ANKRD46: variants seen among roughly 807,000 people sequenced by gnomAD.
ANKRD46 encodes the protein ankyrin repeat domain 46.
ANKRD46 carries 13 observed loss-of-function variants against 19.8 expected under a neutral mutation model. That is an observed-to-expected ratio of 0.66 (90% CI 0.43 to 1.04). ANKRD46 has a LOEUF of 1.04. Ranked by LOEUF, ANKRD46 falls within the 50% of genes least tolerant of loss-of-function variation. ANKRD46 has a pLI of 0.00. For missense variants in ANKRD46, 185 were observed against 274.8 expected (o/e 0.67, Z 2.31); for synonymous variants, 91 against 106.9 (o/e 0.85, Z 0.92).
chr8:100,521,752 T>G lies in ANKRD46; in HGVS notation c.*803A>C. On this transcript the variant is annotated 3_prime_UTR_variant, in exon 5 of 5. Coordinates refer to ENST00000335659, the MANE Select transcript of ANKRD46 (RefSeq NM_001270377.2). ...ATGACAGTTAAATATCAGAATTATT[T>G]TTCCCTGCTAACTATTCAGTAGAAA... 1.0e-6 allele frequency: 1 copy of G among 985,420 alleles called. No homozygotes were observed. The highest frequency in any genetic ancestry group is 4.7e-5 in the South Asian group (1 of 21,288). 61.0% of individuals were successfully genotyped at this position (985,420 alleles called of 1,614,324 possible).
intron 1 of ANKRD46, among the ~76,000 whole-genome samples, chr8:100,538,341 A>G (rs1475892572): frequency 6.6e-6 from 1 of 152,202 alleles, no homozygotes; most frequent in African/African-American, 2.4e-5. Flanking sequence ...TTGCATCTAT[A>G]CTGAACACGT....
intron 1 of ANKRD46, among the ~76,000 whole-genome samples, chr8:100,535,860 T>C (rs545298623): frequency 8.5e-5 from 13 of 152,318 alleles, no homozygotes; most frequent in Admixed American, 3.3e-4. Flanking sequence ...TCTACAAACA[T>C]TTGTTTGTAT....
chr8:100,555,208 C>A (rs1812469041), intron 1 of ANKRD46, among the ~76,000 whole-genome samples: 1 of 151,180 alleles, frequency 6.6e-6, no homozygotes, highest in Admixed American at 6.6e-5. Context: ...TAGAATGGTA[C>A]TAGTATGACA....
At chr8:100,516,959 TC>T (rs1811644776), downstream of ANKRD46, among the ~76,000 whole-genome samples, 1 of 152,126 alleles carries the variant, frequency 6.6e-6, no homozygotes. Context: ...GAGACCCCGG[TC>T]CCATACTGCC....
At chr8:100,530,296 G>A (rs1053954715) in intron 2 of ANKRD46, among the ~76,000 whole-genome samples, 1 of 152,038 alleles carries the variant, frequency 6.6e-6, no homozygotes, top group Non-Finnish European at 1.5e-5. Flanking sequence ...GCTTCTTCTT[G>A]TATTTGAGAT....
intron 1 of ANKRD46, chr8:100,551,631 C>T (rs1418874286): frequency 1.4e-6 from 1 of 714,948 alleles, no homozygotes; most frequent in Non-Finnish European, 2.5e-6. Context: ...ACAATATCCA[C>T]TTTACTAGAG....
rs1586779370 is a variant in ANKRD46 at position 100,522,179 on chromosome 8, G to A, written c.*376C>T. On this transcript the variant is annotated 3_prime_UTR_variant, in exon 5 of 5. Coordinates refer to ENST00000335659, the MANE Select transcript of ANKRD46 (RefSeq NM_001270377.2). Reference sequence around the variant, plus strand: ...CCACCAACAAAAACTAATCATATAAGATACTGTTTTTCTTTTTGAATACTT... The same window carrying A: ...CCACCAACAAAAACTAATCATATAAAATACTGTTTTTCTTTTTGAATACTT... 1.2e-5 allele frequency: 12 copies of A among 1,002,596 alleles called. No individual in the cohort carries two copies. Among genetic ancestry groups the A allele is most frequent in the Non-Finnish European group, 1.3e-5 (11 of 839,892 alleles). 62.1% of individuals were successfully genotyped at this position (1,002,596 alleles called of 1,614,324 possible).
chr8:100,519,615 T>A (rs556169849), downstream of ANKRD46, among the ~76,000 whole-genome samples: 19 of 152,354 alleles, frequency 1.2e-4, 1 homozygote, highest in African/African-American at 4.6e-4. Flanking sequence ...AGTCAAAGAC[T>A]GAGGCCTGGT....
chr8:100,551,971 G>A lies in ANKRD46; in HGVS notation c.-131+7740C>T, dbSNP rs374459278. Among the ~76,000 whole-genome samples the A allele has an allele frequency of 3.9e-5, 6 of 152,144 alleles. No homozygotes were observed. The East Asian group carries it at 5.8e-4, about 15-fold the overall frequency. ...TCAAGACCAGCCTGGCCAACATGGTGAAACCCCGTCTCTACTAAAAATACA... is the reference window on the plus strand; with the variant it reads ...TCAAGACCAGCCTGGCCAACATGGTAAAACCCCGTCTCTACTAAAAATACA... On this transcript the variant is annotated intron_variant, in intron 1 of 4. Coordinates refer to ENST00000335659, the MANE Select transcript of ANKRD46 (RefSeq NM_001270377.2).
chr8:100,527,781 C>G lies in ANKRD46; in HGVS notation c.470+64G>C. On this transcript the variant is annotated intron_variant, in intron 4 of 4. Transcript: ENST00000335659. The surrounding 1 kb of genome is among the most constrained non-coding windows in gnomAD (Gnocchi z 4.0). ...TCAGGAGGCTGAGGCAGGAAGAATGCTTGAGCCCAGGAGTTCAAGGAATGA... is the reference window on the plus strand; with the variant it reads ...TCAGGAGGCTGAGGCAGGAAGAATGGTTGAGCCCAGGAGTTCAAGGAATGA... The G allele has an allele frequency of 6.6e-7, 1 of 1,506,786 alleles. No individual in the cohort carries two copies. Among genetic ancestry groups the G allele is most frequent in the Non-Finnish European group, 8.9e-7 (1 of 1,122,910 alleles). The allele number at this position is 1,506,786 out of a possible 1,614,324, so 93.3% of individuals were successfully genotyped here. A position where few individuals can be genotyped will look rare whatever the true frequency, so the allele number is the denominator to read the frequency against.
exon 6 of ANKRD46, chr8:100,509,829 G>A (rs560402510): frequency 1.3e-5 from 2 of 152,354 alleles, no homozygotes; most frequent in South Asian, 2.1e-4. Context: ...GATACTTCAG[G>A]GATGGACTCT....
At position 100,537,503 on chromosome 8, in the gene ANKRD46, C is replaced by CT. The variant is rs1812087918; in HGVS notation, c.-130-4193dup. Among the ~76,000 whole-genome samples, 1 of 152,222 alleles carries CT rather than the reference C, an allele frequency of 6.6e-6. No homozygotes were observed. The highest frequency in any genetic ancestry group is 2.4e-5 in the African/African-American group (1 of 41,444). On this transcript the variant is annotated intron_variant, in intron 1 of 4. Transcript: ENST00000335659. The surrounding 1 kb of genome is among the most constrained non-coding windows in gnomAD (Gnocchi z 4.2). ...TAAATGAAACCCCCAAATCTAGATT[C>CT]TATCACTTGCTTATTCTTATCCTTT...
rs528158358 is a variant in ANKRD46 at position 100,524,356 on chromosome 8, A to G, written c.471-1585T>C. 6.6e-6 allele frequency among the ~76,000 whole-genome samples: 1 copy of G among 152,248 alleles called. No individual in the cohort carries two copies. The highest frequency in any genetic ancestry group is 1.5e-5 in the Non-Finnish European group (1 of 68,048). ...CATTCATTATGAACTATGAATAAAC[A>G]TGCAAAACTGACATTTTTTAACCTA... On this transcript the variant is annotated intron_variant, in intron 4 of 4. Transcript: ENST00000335659. This position sits in a 1 kb window ranked among gnomAD's most constrained non-coding sequence, Gnocchi z 4.3.
At position 100,511,969 on chromosome 8, in the gene ANKRD46, G is replaced by C. The variant is rs1586772249; in HGVS notation, c.637-1330C>G. Among the ~76,000 whole-genome samples, 1 of 152,346 alleles carries C rather than the reference G, an allele frequency of 6.6e-6. No homozygotes were observed. The highest frequency in any genetic ancestry group is 2.1e-4 in the South Asian group (1 of 4,822). ...GAACCCAGGTGGCGGAGGCTGCGGT[G>C]AGCCGAGATTGTGCCACTGCACTTC... On this transcript the variant is annotated intron_variant, in intron 5 of 5. Coordinates refer to the ANKRD46 transcript ENST00000520552. This position sits in a 1 kb window ranked among gnomAD's most constrained non-coding sequence, Gnocchi z 4.1.
chr8:100,551,313 A>G lies in ANKRD46; in HGVS notation c.-131+8398T>C, dbSNP rs575287087. 463 of 541,904 alleles carry G rather than the reference A, an allele frequency of 8.5e-4. 2 individuals are homozygous for G. The highest frequency in any genetic ancestry group is 1.1e-3 in the Non-Finnish European group (305 of 287,346). 33.6% of individuals were successfully genotyped at this position (541,904 alleles called of 1,614,324 possible). ...GCTGTTTTCAGACTTCTCAGGGATC[A>G]TGCCCATTATGAATATGGGGGCATC... On this transcript the variant is annotated intron_variant, in intron 1 of 4. Coordinates refer to ENST00000335659, the MANE Select transcript of ANKRD46 (RefSeq NM_001270377.2).
rs115532441 is a variant in ANKRD46 at position 100,526,554 on chromosome 8, T to C, written c.470+1291A>G. ...AGGGCTTGCAAATACATCTCTGACT[T>C]CTTGATTATCTATTTGTCAGCTTTC... On this transcript the variant is annotated intron_variant, in intron 4 of 4. Transcript: ENST00000335659. Among the ~76,000 whole-genome samples, 1,086 of 152,314 alleles carry C rather than the reference T, an allele frequency of 7.1e-3. 16 individuals carry two copies. Among genetic ancestry groups the C allele is most frequent in the African/African-American group, 0.025 (1,039 of 41,572 alleles).
rs1812249900 is a variant in ANKRD46, at chr8:100,545,284, A to G, written c.-130-11973T>C. Among the ~76,000 whole-genome samples the G allele has an allele frequency of 6.6e-6, 1 of 152,136 alleles. No individual in the cohort carries two copies. The highest frequency in any genetic ancestry group is 2.1e-4 in the South Asian group (1 of 4,836). On this transcript the variant is annotated intron_variant, in intron 1 of 4. Coordinates refer to ENST00000335659, the MANE Select transcript of ANKRD46 (RefSeq NM_001270377.2). The surrounding 1 kb of genome is among the most constrained non-coding windows in gnomAD (Gnocchi z 4.7). ...TGTCCTCACTCAAATCTCATTTTAA[A>G]TTGTAGTCCCCACATATCAAGGAAG...
In ANKRD46 at chr8:100,524,615, A is replaced by G. The variant is rs1811802984; in HGVS notation, c.471-1844T>C. Among the ~76,000 whole-genome samples the G allele has an allele frequency of 6.6e-6, 1 of 152,192 alleles. No individual in the cohort carries two copies. Among genetic ancestry groups the G allele is most frequent in the Admixed American group, 6.5e-5 (1 of 15,276 alleles). ...TGGAACACTTGACAGCAAGTTTAAA[A>G]ATAAGATTAGAACTTTGAGAAGGCC... On this transcript the variant is annotated intron_variant, in intron 4 of 4. Transcript: ENST00000335659. The surrounding 1 kb of genome is among the most constrained non-coding windows in gnomAD (Gnocchi z 4.3).
chr8:100,520,726 A>T, downstream of ANKRD46: 1 of 872,204 alleles, frequency 1.1e-6, no homozygotes, highest in Non-Finnish European at 1.4e-6. Context: ...TCCCCAAATT[A>T]AAACTATAAT....
Sources: gnomAD v4.1 joint callset for allele counts (sites outside exome capture counted in the v4.1 genomes callset) on GRCh38, gnomAD v4.1.1 for gene constraint, Gnocchi (gnomAD v3.1) non-coding constraint, MANE v1.5 for transcripts, NCBI Gene and HGNC (gene_info 2026-07-23, HGNC 2026-07-21) for gene names.